The following MCTP1 variants were observed in gnomAD, a reference collection of about 807,000 sequenced individuals.
MCTP1 encodes the protein multiple C2 and transmembrane domain containing 1, also known as multiple C2 and transmembrane domain-containing protein 1.
In MCTP1, 69 loss-of-function variants were observed where a neutral mutation model predicts 120.6. That is an observed-to-expected ratio of 0.57 (90% CI 0.47 to 0.70). MCTP1 has a LOEUF of 0.70. Ranked by LOEUF, MCTP1 falls within the 30% of genes least tolerant of loss-of-function variation. The probability of loss-of-function intolerance (pLI) is 0.00; values close to 1 mark genes in which losing one functional copy is unlikely to be tolerated. For missense variants in MCTP1, 1,203 were observed against 1,248.8 expected (o/e 0.96, Z 0.55); for synonymous variants, 529 against 493.1 (o/e 1.07, Z -0.96).
intron 19 of MCTP1, among the ~76,000 whole-genome samples, chr5:94,762,587 CTCTG>C (rs1309423886): frequency 1.3e-5 from 2 of 152,188 alleles, no homozygotes; most frequent in Non-Finnish European, 2.9e-5. Flanking sequence ...GGGACACATT[CTCTG>C]TCTATTCTGA....
intron 1 of MCTP1, among the ~76,000 whole-genome samples, chr5:95,119,398 T>C (rs185694481): frequency 3.3e-5 from 5 of 152,266 alleles, no homozygotes; most frequent in East Asian, 1.9e-4. Flanking sequence ...GAAGAAAGTT[T>C]ATAGTTATAC....
chr5:95,274,112 C>G (rs946518705), intron 1 of MCTP1, among the ~76,000 whole-genome samples: 12 of 152,220 alleles, frequency 7.9e-5, no homozygotes, highest in African/African-American at 2.9e-4. Context: ...GCCCTCATAT[C>G]TGGCCACACC....
At chr5:95,127,362 C>T (rs186420004) in intron 1 of MCTP1, among the ~76,000 whole-genome samples, 2 of 152,196 alleles carry the variant, frequency 1.3e-5, no homozygotes, top group East Asian at 1.9e-4. Context: ...CCTTCTACAA[C>T]TAAGGCACAG....
At chr5:94,915,268 T>A (rs1165770626) in intron 8 of MCTP1, among the ~76,000 whole-genome samples, 1 of 152,230 alleles carries the variant, frequency 6.6e-6, no homozygotes, top group Non-Finnish European at 1.5e-5. Context: ...ATGGTAGATA[T>A]ATGACTAGAA....
chr5:94,980,032 A>C (rs1436751835), intron 2 of MCTP1, among the ~76,000 whole-genome samples: 1 of 152,128 alleles, frequency 6.6e-6, no homozygotes, highest in African/African-American at 2.4e-5. Flanking sequence ...TGAAATATCA[A>C]GTGATCAACA....
chr5:95,098,093 G>T (rs1756410408), intron 1 of MCTP1, among the ~76,000 whole-genome samples: 1 of 152,088 alleles, frequency 6.6e-6, no homozygotes, highest in Non-Finnish European at 1.5e-5. Context: ...CTGTTTCATA[G>T]ATCAACGGTA....
chr5:95,099,514 A>T (rs996930631), intron 1 of MCTP1, among the ~76,000 whole-genome samples: 13 of 152,080 alleles, frequency 8.5e-5, no homozygotes, highest in Non-Finnish European at 1.8e-4. Context: ...CAAAAAACAC[A>T]TGAAAAAATG....
At chr5:94,707,973 T>TTA (rs779257565) in intron 22 of MCTP1, among the ~76,000 whole-genome samples, 2 of 142,318 alleles carry the variant, frequency 1.4e-5, no homozygotes, top group African/African-American at 2.6e-5. Flanking sequence ...CTTCAGGATT[T>TTA]AAAAAAAAAA....
intron 1 of MCTP1, among the ~76,000 whole-genome samples, chr5:95,108,232 G>A (rs957341703): frequency 2.6e-5 from 4 of 152,114 alleles, no homozygotes; most frequent in African/African-American, 9.7e-5. Flanking sequence ...TAAAGGAAAG[G>A]GATTTTGTCA....
chr5:95,170,071 C>T (rs894200440), intron 1 of MCTP1, among the ~76,000 whole-genome samples: 1 of 152,220 alleles, frequency 6.6e-6, no homozygotes, highest in South Asian at 2.1e-4. Flanking sequence ...TCCCTCTACA[C>T]ACTGCTTTGA....
At chr5:95,130,092 C>T (rs1183101382) in intron 1 of MCTP1, among the ~76,000 whole-genome samples, 1 of 152,238 alleles carries the variant, frequency 6.6e-6, no homozygotes, top group Non-Finnish European at 1.5e-5. Context: ...CCCTGTCCCC[C>T]AGCTTCTCGG....
At chr5:94,991,627 A>G (rs992696978) in intron 2 of MCTP1, among the ~76,000 whole-genome samples, 2 of 152,076 alleles carry the variant, frequency 1.3e-5, no homozygotes, top group African/African-American at 4.8e-5. Context: ...TAATCCCAGC[A>G]CTTTGGGAGG....
At chr5:95,201,461 GT>G in intron 1 of MCTP1, among the ~76,000 whole-genome samples, 1 of 119,296 alleles carries the variant, frequency 8.4e-6, no homozygotes, top group South Asian at 2.9e-4. Flanking sequence ...TAAAGGAAAA[GT>G]GGTTTTTTTT....
At chr5:95,075,650 C>A (rs543355367) in intron 1 of MCTP1, among the ~76,000 whole-genome samples, 181 of 152,206 alleles carry the variant, frequency 1.2e-3, no homozygotes, top group African/African-American at 4.1e-3. Flanking sequence ...TTTTAAAGCT[C>A]CTGCCATGTG....
At chr5:94,999,455 G>C (rs10515220) in intron 2 of MCTP1, among the ~76,000 whole-genome samples, 24,458 of 151,998 alleles carry the variant, frequency 0.16, 2,201 homozygotes, top group East Asian at 0.33. Context: ...AATAACGTTG[G>C]CAAAGTCTAT....
intron 16 of MCTP1, 113 bp from the exon 17 acceptor site, chr5:94,868,565 G>A (rs1469718017): frequency 4.2e-6 from 3 of 722,536 alleles, no homozygotes; most frequent in Non-Finnish European, 4.0e-6. Context: ...AGTTAATAAA[G>A]TTACAAGAAA....
intron 1 of MCTP1, among the ~76,000 whole-genome samples, chr5:95,251,817 T>A (rs937509889): frequency 6.6e-6 from 1 of 152,098 alleles, no homozygotes; most frequent in African/African-American, 2.4e-5. Context: ...TAATAATAGA[T>A]ACTATTATCC....
chr5:94,804,017 A>T (rs1781746486), intron 17 of MCTP1, among the ~76,000 whole-genome samples: 3 of 152,184 alleles, frequency 2.0e-5, no homozygotes, highest in African/African-American at 7.2e-5. Flanking sequence ...AAGCAAAGCC[A>T]CCTGACAGAC....
intron 1 of MCTP1, among the ~76,000 whole-genome samples, chr5:95,063,482 G>C (rs534509980): frequency 2.6e-5 from 4 of 152,346 alleles, no homozygotes; most frequent in African/African-American, 9.6e-5. Flanking sequence ...CGTTAACACA[G>C]AAGCTAATTC....
Sources: allele counts gnomAD v4.1 joint callset (sites outside exome capture counted in the v4.1 genomes callset), GRCh38; gene constraint gnomAD v4.1.1; transcripts MANE v1.5; gene names NCBI Gene and HGNC (gene_info 2026-07-23, HGNC 2026-07-21).